PRKG1: variants seen among roughly 807,000 people sequenced by gnomAD.
PRKG1 encodes cGMP-dependent protein kinase 1.
Under a neutral mutation model 88.1 loss-of-function variants are expected in PRKG1, and 35 were observed. The ratio of observed to expected loss-of-function variants is 0.40; its 90% confidence interval spans 0.30 to 0.53. The LOEUF (loss-of-function observed/expected upper bound fraction) is 0.53, where lower values mean the gene tolerates loss of function less well. PRKG1 is among the 20% of genes least tolerant of loss of function. PRKG1 has a pLI of 0.59. For missense variants in PRKG1, 540 were observed against 839.8 expected (o/e 0.64, Z 4.41); for synonymous variants, 303 against 292.5 (o/e 1.04, Z -0.37).
chr10:52,274,177 G>A (rs1274336126), intron 12 of PRKG1, among the ~76,000 whole-genome samples: 3 of 64,610 alleles, frequency 4.6e-5, no homozygotes, highest in African/African-American at 1.0e-4. Flanking sequence ...ATTTGGTTAC[G>A]AGTAAGTTCT....
chr10:51,305,232 G>C (rs971881983), intron 2 of PRKG1, among the ~76,000 whole-genome samples: 1 of 152,140 alleles, frequency 6.6e-6, no homozygotes, highest in African/African-American at 2.4e-5. Context: ...GAGTTTCAGA[G>C]CACAATGGCA....
chr10:51,293,172 C>T (rs980404231), intron 2 of PRKG1, among the ~76,000 whole-genome samples: 2 of 150,458 alleles, frequency 1.3e-5, no homozygotes, highest in African/African-American at 2.5e-5. Context: ...TAACATATCC[C>T]TGTCACCTGA....
At chr10:51,072,150 G>C (rs961715108), upstream of PRKG1, among the ~76,000 whole-genome samples, 7 of 152,096 alleles carry the variant, frequency 4.6e-5, no homozygotes, top group Non-Finnish European at 1.0e-4. Context: ...AGCTGAGATT[G>C]CGCCACTGCA....
intron 5 of PRKG1, among the ~76,000 whole-genome samples, chr10:52,029,798 C>G (rs977031232): frequency 1.3e-5 from 2 of 152,078 alleles, no homozygotes; most frequent in Non-Finnish European, 2.9e-5. Context: ...TTGTGGTTTC[C>G]CATTCTATAG....
chr10:51,444,697 G>T (rs1368428489), intron 2 of PRKG1, among the ~76,000 whole-genome samples: 1 of 151,868 alleles, frequency 6.6e-6, no homozygotes, highest in African/African-American at 2.4e-5. Flanking sequence ...TAGGCTGAAA[G>T]CTTCAGCTGC....
chr10:51,778,695 A>G (rs1183883786), intron 3 of PRKG1, among the ~76,000 whole-genome samples: 2 of 152,106 alleles, frequency 1.3e-5, no homozygotes, highest in East Asian at 3.9e-4. Flanking sequence ...TAATTTATAA[A>G]TTTCCAGAAA....
rs192907881 is a variant in PRKG1, at chr10:51,605,101, C to A, written c.592+137265C>A. On this transcript the variant is annotated intron_variant, in intron 3 of 17. Transcript: ENST00000373980. The stretch of plus-strand genomic sequence containing the variant: ...GAGTCGGGCCGCCCAAGGCTATACT[C>A]CCCTCGGCATCTGCGTTGTTCTGCC... Among the ~76,000 whole-genome samples, 681 of 152,246 alleles carry A rather than the reference C, an allele frequency of 4.5e-3. 3 individuals carry two copies. Among genetic ancestry groups the A allele is most frequent in the Admixed American group, 7.3e-3 (111 of 15,302 alleles).
At chr10:51,084,958 A>G (rs923231653) in intron 1 of PRKG1, among the ~76,000 whole-genome samples, 13 of 152,374 alleles carry the variant, frequency 8.5e-5, no homozygotes, top group Middle Eastern at 6.8e-3. Flanking sequence ...GAAAAAACAT[A>G]TCTTCTGGAT....
intron 5 of PRKG1, among the ~76,000 whole-genome samples, chr10:51,952,110 C>G (rs1034064499): frequency 6.6e-6 from 1 of 152,096 alleles, no homozygotes; most frequent in Non-Finnish European, 1.5e-5. Context: ...TGGCTCTTTA[C>G]AGAAAAAGCT....
intron 3 of PRKG1, among the ~76,000 whole-genome samples, chr10:51,484,684 C>A (rs957527132): frequency 3.3e-5 from 5 of 152,170 alleles, no homozygotes; most frequent in Non-Finnish European, 7.4e-5. Context: ...CCACTTAAGG[C>A]AGACTTCCTC....
chr10:51,481,042 G>T (rs1404858494), intron 3 of PRKG1, among the ~76,000 whole-genome samples: 1 of 152,032 alleles, frequency 6.6e-6, no homozygotes, highest in Non-Finnish European at 1.5e-5. Flanking sequence ...GGCATTTAAT[G>T]AAACTCATAC....
chr10:52,221,198 G>T (rs1840236489), intron 9 of PRKG1, among the ~76,000 whole-genome samples: 1 of 152,010 alleles, frequency 6.6e-6, no homozygotes, highest in Non-Finnish European at 1.5e-5. Context: ...GTACAGAAAT[G>T]TCATCTTGAT....
At chr10:52,212,596 G>A (rs1002052238) in intron 9 of PRKG1, among the ~76,000 whole-genome samples, 52 of 151,232 alleles carry the variant, frequency 3.4e-4, no homozygotes, top group Admixed American at 3.4e-3. Context: ...TATGGCTGTT[G>A]GGGGGAGAGG....
At chr10:51,451,069 T>C (rs1839423277) in intron 2 of PRKG1, among the ~76,000 whole-genome samples, 2 of 151,888 alleles carry the variant, frequency 1.3e-5, no homozygotes, top group Admixed American at 1.3e-4. Context: ...TAAAATACAC[T>C]ACTTTCGACT....
intron 1 of PRKG1, among the ~76,000 whole-genome samples, chr10:51,025,923 T>C (rs1459629532): frequency 1.3e-5 from 2 of 152,294 alleles, no homozygotes; most frequent in East Asian, 3.9e-4. Flanking sequence ...ATTGCAGTTA[T>C]AATTAGTTCA....
At chr10:52,094,236 T>C (rs1411873974) in intron 7 of PRKG1, among the ~76,000 whole-genome samples, 2 of 152,206 alleles carry the variant, frequency 1.3e-5, no homozygotes, top group African/African-American at 4.8e-5. Flanking sequence ...CACCTAGATC[T>C]GTATAAAAAC....
chr10:51,056,428 G>T (rs1300945912), intron 1 of PRKG1, among the ~76,000 whole-genome samples: 1 of 152,132 alleles, frequency 6.6e-6, no homozygotes, highest in Non-Finnish European at 1.5e-5. Flanking sequence ...GACTACTTGG[G>T]AATGCTTGTT....
At chr10:52,156,418 C>T (rs1346812966) in intron 8 of PRKG1, among the ~76,000 whole-genome samples, 1 of 151,718 alleles carries the variant, frequency 6.6e-6, no homozygotes, top group South Asian at 2.1e-4. Context: ...GTACTTTATT[C>T]CTTTTGCATA....
chr10:51,199,256 T>G (rs757773161), intron 2 of PRKG1, among the ~76,000 whole-genome samples: 6 of 152,218 alleles, frequency 3.9e-5, no homozygotes, highest in Admixed American at 3.9e-4. Context: ...ATGTATAACT[T>G]AGCAAGTAGT....
Sources: gnomAD v4.1 joint callset for allele counts (sites outside exome capture counted in the v4.1 genomes callset) on GRCh38, gnomAD v4.1.1 for gene constraint, MANE v1.5 for transcripts, NCBI Gene and HGNC (gene_info 2026-07-23, HGNC 2026-07-21) for gene names.